The following EPM2A variants were observed in gnomAD, a reference collection of about 807,000 sequenced individuals.
The protein encoded by EPM2A is EPM2A glucan phosphatase, laforin.
A neutral mutation model predicts 26.5 loss-of-function variants in EPM2A; 21 were observed. That is an observed-to-expected ratio of 0.79 (90% confidence interval 0.56 to 1.14). The LOEUF is 1.14. Among genes scored for constraint, EPM2A ranks in the 50% most tolerant of loss-of-function variants. The probability of loss-of-function intolerance (pLI) is 0.00; values close to 1 mark genes in which losing one functional copy is unlikely to be tolerated. For missense variants in EPM2A, 458 were observed against 440.8 expected, an observed-to-expected ratio of 1.04 and a Z score of -0.35; for synonymous variants, 217 against 177.6, an observed-to-expected ratio of 1.22 and a Z score of -1.76.
chr6:145,697,463 T>C (rs1781663231), intron 1 of EPM2A, among the ~76,000 whole-genome samples: 1 of 152,100 alleles, frequency 6.6e-6, no homozygotes, highest in Non-Finnish European at 1.5e-5. Context: ...TAACATCTTA[T>C]TAGGAGACAG....
chr6:145,489,449 G>C (rs562550635), intron 4 of EPM2A, among the ~76,000 whole-genome samples: 5 of 152,230 alleles, frequency 3.3e-5, no homozygotes, highest in African/African-American at 9.6e-5. Context: ...TTATGGAACA[G>C]ATCCCTCCTC....
intron 2 of EPM2A, among the ~76,000 whole-genome samples, chr6:145,537,321 C>T (rs10457055): frequency 0.083 from 12,578 of 152,170 alleles, 552 homozygotes; most frequent in Middle Eastern, 0.12. Context: ...TCTCTCGAAA[C>T]CAATAGAACA....
At chr6:145,644,347 TC>T (rs1777302742) in intron 2 of EPM2A, among the ~76,000 whole-genome samples, 1 of 152,230 alleles carries the variant, frequency 6.6e-6, no homozygotes, top group South Asian at 2.1e-4. Context: ...GTTTACAGAA[TC>T]ACCTTCCTTG....
chr6:145,583,215 A>G (rs1306479566), intron 2 of EPM2A, among the ~76,000 whole-genome samples: 2 of 152,166 alleles, frequency 1.3e-5, no homozygotes, highest in Admixed American at 1.3e-4. Context: ...GGTCATTTGG[A>G]GGTAAGAAGA....
chr6:145,648,270 C>T (rs1777630475), intron 2 of EPM2A, among the ~76,000 whole-genome samples: 1 of 152,114 alleles, frequency 6.6e-6, no homozygotes, highest in African/African-American at 2.4e-5. Context: ...AGGTAGAGAC[C>T]AGCCTCTATT....
chr6:145,532,685 G>A (rs975520852), intron 2 of EPM2A, among the ~76,000 whole-genome samples: 1 of 152,170 alleles, frequency 6.6e-6, no homozygotes, highest in African/African-American at 2.4e-5. Flanking sequence ...TAATATCTGT[G>A]TCAGTGTACA....
intron 2 of EPM2A, chr6:145,635,715 C>T (rs1305422748): frequency 5.8e-6 from 3 of 518,930 alleles, no homozygotes; most frequent in Non-Finnish European, 1.0e-5. Flanking sequence ...AGGAAATGGA[C>T]ATTTGCAAAC....
At chr6:145,419,207 A>C (rs1778750726) in intron 4 of EPM2A, among the ~76,000 whole-genome samples, 1 of 120,428 alleles carries the variant, frequency 8.3e-6, no homozygotes, top group African/African-American at 2.9e-5. Context: ...TTTCCCCAGC[A>C]GCGCATGGCC....
chr6:145,388,068 A>T (rs1417718785), intron 4 of EPM2A, among the ~76,000 whole-genome samples: 1 of 152,226 alleles, frequency 6.6e-6, no homozygotes, highest in East Asian at 1.9e-4. Flanking sequence ...AATTAAACAT[A>T]CATTTTTTAA....
chr6:145,655,020 C>G (rs1582978120), intron 2 of EPM2A, among the ~76,000 whole-genome samples: 1 of 151,772 alleles, frequency 6.6e-6, no homozygotes, highest in Admixed American at 6.6e-5. Context: ...TTTTTCACAC[C>G]CCAAAAATGC....
rs966025420 is a variant in EPM2A, at chr6:145,454,167, C to T, written c.555+48355G>A. ...TTCTTAAGAAGATATTCAGGTGCTC[C>T]TGTTTTCAATAATATGGTAGATTAG... is the stretch of plus-strand genomic sequence containing the variant. On this transcript the variant is annotated intron_variant, in intron 4 of 4. Coordinates refer to the EPM2A transcript ENST00000638717. 2.0e-5 allele frequency among the ~76,000 whole-genome samples: 3 copies of T among 152,244 alleles called. No homozygotes were observed. In the East Asian group the frequency reaches 5.8e-4, roughly 29 times the overall value.
At chr6:145,500,235 CA>C (rs1479207307), downstream of EPM2A, among the ~76,000 whole-genome samples, 5 of 152,182 alleles carry the variant, frequency 3.3e-5, no homozygotes, top group Admixed American at 1.3e-4. Context: ...CATCCTTCAT[CA>C]AATCTATTTG....
intron 2 of EPM2A, among the ~76,000 whole-genome samples, chr6:145,548,103 G>T (rs981511731): frequency 1.8e-4 from 27 of 152,052 alleles, no homozygotes; most frequent in Admixed American, 1.5e-3. Context: ...TGGCACTCCC[G>T]CATGCTGCAG....
intron 4 of EPM2A, among the ~76,000 whole-genome samples, chr6:145,431,309 C>T (rs1354649542): frequency 6.6e-6 from 1 of 152,104 alleles, no homozygotes; most frequent in Admixed American, 6.6e-5. Flanking sequence ...GGATTGCATC[C>T]TGAATGGATG....
At chr6:145,712,865 T>C (rs1373226321) in intron 1 of EPM2A, among the ~76,000 whole-genome samples, 1 of 152,164 alleles carries the variant, frequency 6.6e-6, no homozygotes, top group Non-Finnish European at 1.5e-5. Flanking sequence ...TGACTTCTTT[T>C]TGTTTCCTCA....
intron 1 of EPM2A, among the ~76,000 whole-genome samples, chr6:145,688,656 T>C (rs1419635809): frequency 1.3e-5 from 2 of 152,026 alleles, no homozygotes; most frequent in Non-Finnish European, 2.9e-5. Context: ...AATAGGAACA[T>C]AGATGAGTCA....
intron 2 of EPM2A, among the ~76,000 whole-genome samples, chr6:145,614,053 T>C (rs1775453991): frequency 6.6e-6 from 1 of 152,256 alleles, no homozygotes; most frequent in African/African-American, 2.4e-5. Context: ...ATTGAAAATC[T>C]GTTGTTTAGT....
intron 2 of EPM2A, among the ~76,000 whole-genome samples, chr6:145,523,736 G>A (rs1297144103): frequency 6.6e-6 from 1 of 152,112 alleles, no homozygotes; most frequent in Non-Finnish European, 1.5e-5. Flanking sequence ...AAGTGTTCAA[G>A]TGAAAGAAAG....
At chr6:145,449,430 G>T (rs143629136) in intron 4 of EPM2A, among the ~76,000 whole-genome samples, 12 of 152,120 alleles carry the variant, frequency 7.9e-5, no homozygotes, top group African/African-American at 2.7e-4. Flanking sequence ...ACAGAGATCC[G>T]TCAACTTGTT....
Sources: gnomAD v4.1 joint callset for allele counts (sites outside exome capture counted in the v4.1 genomes callset) on GRCh38, gnomAD v4.1.1 for gene constraint, MANE v1.5 for transcripts, NCBI Gene and HGNC (gene_info 2026-07-23, HGNC 2026-07-21) for gene names.